GDA: variants seen among roughly 807,000 people sequenced by gnomAD.
GDA encodes the protein guanine deaminase.
In GDA, 18 loss-of-function variants were observed where a neutral mutation model predicts 59.6. That is an observed-to-expected ratio of 0.30 (90% CI 0.21 to 0.45). GDA has a LOEUF of 0.45. GDA is among the 20% of genes least tolerant of loss of function. The probability of loss-of-function intolerance (pLI) is 1.00; values close to 1 mark genes in which losing one functional copy is unlikely to be tolerated. For synonymous variants in GDA, 201 were observed against 201.1 expected (o/e 1.00, Z 0.00); for missense variants, 427 against 552.3 (o/e 0.77, Z 2.27).
At chr9:72,253,922 T>C (rs1178593167), downstream of GDA, among the ~76,000 whole-genome samples, 2 of 152,090 alleles carry the variant, frequency 1.3e-5, no homozygotes, top group Non-Finnish European at 2.9e-5. Flanking sequence ...ACCTGCACAT[T>C]GTGCACATGT....
chr9:72,221,138 G>A (rs988969953), intron 6 of GDA, among the ~76,000 whole-genome samples: 1 of 152,146 alleles, frequency 6.6e-6, no homozygotes, highest in South Asian at 2.1e-4. Context: ...CACCTCAGGT[G>A]CCACCAGAGC....
chr9:72,163,946 T>C (rs577192333), intron 1 of GDA, among the ~76,000 whole-genome samples: 5 of 152,340 alleles, frequency 3.3e-5, no homozygotes, highest in African/African-American at 1.2e-4. Context: ...TGAGTGCTTT[T>C]ACTCCTGACC....
intron 10 of GDA, among the ~76,000 whole-genome samples, chr9:72,233,684 G>A (rs1838625939): frequency 6.6e-6 from 1 of 152,170 alleles, no homozygotes; most frequent in Non-Finnish European, 1.5e-5. Context: ...GCTCATACCT[G>A]TAATCCCACC....
At chr9:72,199,607 T>C (rs188813068) in intron 2 of GDA, among the ~76,000 whole-genome samples, 1 of 152,350 alleles carries the variant, frequency 6.6e-6, no homozygotes. Context: ...AACACTCTCT[T>C]TTTAGCACTT....
At chr9:72,193,197 T>C (rs1587573204) in intron 1 of GDA, among the ~76,000 whole-genome samples, 1 of 152,244 alleles carries the variant, frequency 6.6e-6, no homozygotes, top group African/African-American at 2.4e-5. Flanking sequence ...TTGTAGATGT[T>C]TGTGCCTGGG....
At chr9:72,189,420 C>T (rs1832264265) in intron 1 of GDA, among the ~76,000 whole-genome samples, 1 of 151,908 alleles carries the variant, frequency 6.6e-6, no homozygotes, top group South Asian at 2.1e-4. Context: ...GCAATTGATC[C>T]TCCCACCTCA....
intron 7 of GDA, among the ~76,000 whole-genome samples, chr9:72,225,107 C>A (rs781593019): frequency 1.1e-4 from 16 of 152,110 alleles, no homozygotes; most frequent in African/African-American, 1.2e-4. Flanking sequence ...CATGGTGAAA[C>A]CCCATCTCTA....
Position 72,248,847 on chromosome 9 carries a change from A to G in GDA, c.*505A>G. On this transcript the variant is annotated 3_prime_UTR_variant, in exon 14 of 14. Coordinates refer to ENST00000358399, the MANE Select transcript of GDA (RefSeq NM_004293.5). ...TGAAAATTATATACTGAGCATACTA[A>G]TTTAAAAAGAGAACTTGTTGAAATT... is the stretch of plus-strand genomic sequence containing the variant. 1 of 983,680 alleles carries G rather than the reference A, an allele frequency of 1.0e-6. No individual in the cohort carries two copies. Among genetic ancestry groups the G allele is most frequent in the Non-Finnish European group, 1.2e-6 (1 of 827,834 alleles). The allele number at this position is 983,680 out of a possible 1,614,324, so 60.9% of individuals were successfully genotyped here. A position where few individuals can be genotyped will look rare whatever the true frequency, so the allele number is the denominator to read the frequency against.
intron 6 of GDA, among the ~76,000 whole-genome samples, chr9:72,220,040 G>T (rs1445385819): frequency 6.6e-6 from 1 of 152,112 alleles, no homozygotes; most frequent in Non-Finnish European, 1.5e-5. Context: ...TCTGTAGACA[G>T]ACAAATAAAG....
chr9:72,168,307 G>A (rs78558638), intron 1 of GDA, among the ~76,000 whole-genome samples: 7,772 of 151,622 alleles, frequency 0.051, 277 homozygotes, highest in Middle Eastern at 0.082. Flanking sequence ...GGCTTAGGTA[G>A]AGTACAGCTT....
At chr9:72,207,502 T>G (rs1463125977) in intron 3 of GDA, among the ~76,000 whole-genome samples, 4 of 152,218 alleles carry the variant, frequency 2.6e-5, no homozygotes, top group Non-Finnish European at 5.9e-5. Context: ...TCTCTTGTTG[T>G]TTTAGTAATT....
chr9:72,131,402 T>C (rs1346484567), intron 1 of GDA, among the ~76,000 whole-genome samples: 1 of 152,034 alleles, frequency 6.6e-6, no homozygotes, highest in African/African-American at 2.4e-5. Flanking sequence ...TATAGAGAAA[T>C]ACCAAAGGCA....
intron 1 of GDA, among the ~76,000 whole-genome samples, chr9:72,194,506 C>T (rs1832919005): frequency 6.6e-6 from 1 of 152,128 alleles, no homozygotes. Flanking sequence ...GTCCTCCCCA[C>T]CCTTCCCTCT....
chr9:72,190,833 T>C (rs1486929806), intron 1 of GDA, among the ~76,000 whole-genome samples: 2 of 151,972 alleles, frequency 1.3e-5, no homozygotes, highest in African/African-American at 4.8e-5. Flanking sequence ...AAAAAAATTG[T>C]ATTACACGTT....
At chr9:72,232,042 G>T (rs1838417535) in intron 10 of GDA, among the ~76,000 whole-genome samples, 2 of 152,242 alleles carry the variant, frequency 1.3e-5, no homozygotes, top group Non-Finnish European at 1.5e-5. Context: ...CATTTTAATT[G>T]TGTTTCTTGA....
At chr9:72,244,866 G>A (rs906982667) in intron 11 of GDA, among the ~76,000 whole-genome samples, 3 of 152,140 alleles carry the variant, frequency 2.0e-5, no homozygotes, top group Admixed American at 2.0e-4. Context: ...GGGCTATGAA[G>A]TGCACTGATA....
At chr9:72,242,151 C>T (rs908899491) in intron 11 of GDA, among the ~76,000 whole-genome samples, 13 of 152,172 alleles carry the variant, frequency 8.5e-5, no homozygotes, top group Non-Finnish European at 4.4e-5. Context: ...GATTTGAATC[C>T]ACCTAATCTG....
intron 1 of GDA, among the ~76,000 whole-genome samples, chr9:72,139,277 T>C (rs1269907448): frequency 6.6e-6 from 1 of 151,354 alleles, no homozygotes; most frequent in African/African-American, 2.5e-5. Flanking sequence ...ATTATACACA[T>C]TAATGATAAA....
chr9:72,213,961 C>A lies in GDA; in HGVS notation c.548C>A (p.Thr183Asn). 4 of 1,605,834 alleles carry A rather than the reference C, an allele frequency of 2.5e-6. No homozygotes were observed. Among genetic ancestry groups the A allele is most frequent in the African/African-American group, 2.7e-5 (2 of 74,842 alleles). ...GACACTTTTCCAGAATACAAGGAGA[C>A]CACTGAGGAATCGATCAAGGAAACT... ...LNDTFPEYKETTEESIKETER... is the reference protein window; with the variant it reads ...LNDTFPEYKENTEESIKETER... The change falls in exon 5 of 14, where the codon ACC becomes AAC. Residue 183 changes from threonine to asparagine, a missense_variant. By Grantham distance (65) the Thr-to-Asn change is moderately conservative. Coordinates refer to ENST00000358399, the MANE Select transcript of GDA (RefSeq NM_004293.5).
Sources: allele counts gnomAD v4.1 joint callset (sites outside exome capture counted in the v4.1 genomes callset), GRCh38; gene constraint gnomAD v4.1.1; transcripts MANE v1.5; gene names NCBI Gene and HGNC (gene_info 2026-07-23, HGNC 2026-07-21).